NPHP4: variants seen among roughly 807,000 people sequenced by gnomAD.
NPHP4 encodes the protein nephrocystin-4.
A neutral mutation model predicts 155.8 loss-of-function variants in NPHP4; 151 were observed. The observed-to-expected ratio is 0.97, with a 90% CI of 0.85 to 1.11. The LOEUF is 1.11. Among genes scored for constraint, NPHP4 ranks in the 50% least tolerant of loss-of-function variants. The pLI, the probability that NPHP4 is intolerant of heterozygous loss-of-function variation, is 0.00. For synonymous variants in NPHP4, 845 were observed against 816.8 expected, an observed-to-expected ratio of 1.03 and a Z score of -0.59; for missense variants, 1,956 against 1,925.7, an observed-to-expected ratio of 1.02 and a Z score of -0.29.
chr1:5,864,132 G>A (rs555338354), intron 28 of NPHP4, 99 bp from the exon 29 acceptor site: 76 of 1,371,200 alleles, frequency 5.5e-5, no homozygotes, highest in East Asian at 3.9e-4. Flanking sequence ...CACCGTGCAC[G>A]GGGACCCCCA....
At chr1:5,938,799 C>CAG (rs1358096147) in intron 9 of NPHP4, among the ~76,000 whole-genome samples, 9 of 152,174 alleles carry the variant, frequency 5.9e-5, no homozygotes, top group Non-Finnish European at 1.3e-4. Context: ...TATTTCTAAA[C>CAG]AGAACATCAG....
chr1:5,991,751 C>G (rs1557906168), intron 1 of NPHP4, among the ~76,000 whole-genome samples: 1 of 151,522 alleles, frequency 6.6e-6, no homozygotes, highest in East Asian at 1.9e-4. Context: ...GGGGAACTGA[C>G]AGCCGGAGCC....
At chr1:5,938,472 C>T (rs190656081) in intron 9 of NPHP4, among the ~76,000 whole-genome samples, 3 of 152,182 alleles carry the variant, frequency 2.0e-5, no homozygotes, top group Non-Finnish European at 4.4e-5. Flanking sequence ...CTACTCAGTC[C>T]TCAAATCGGA....
chr1:5,884,244 G>A (rs1360959229), intron 18 of NPHP4, among the ~76,000 whole-genome samples: 1 of 152,120 alleles, frequency 6.6e-6, no homozygotes, highest in Non-Finnish European at 1.5e-5. Context: ...CCCTGCAGCT[G>A]GACCAAAGCC....
At position 5,888,499 on chromosome 1, in the gene NPHP4, G is replaced by A. The variant is rs552783883; in HGVS notation, c.2305-1033C>T. 94 of 1,275,232 alleles carry A rather than the reference G, an allele frequency of 7.4e-5. No homozygotes were observed. The African/African-American group carries it at 9.6e-4, about 13-fold the overall frequency. 79.0% of individuals were successfully genotyped at this position (1,275,232 alleles called of 1,614,324 possible). A position where few individuals can be genotyped will look rare whatever the true frequency, so the allele number is the denominator to read the frequency against. On this transcript the variant is annotated intron_variant, in intron 17 of 29. Transcript: ENST00000378156. Reference sequence around the variant, plus strand: ...GTGGGTCTGGGGGCTTCCGGTCGCCGCAGACCCTGGTCGCTTTGCCACACT... The same window carrying A: ...GTGGGTCTGGGGGCTTCCGGTCGCCACAGACCCTGGTCGCTTTGCCACACT...
At chr1:5,978,039 C>T (rs1316657450) in intron 3 of NPHP4, among the ~76,000 whole-genome samples, 1 of 151,238 alleles carries the variant, frequency 6.6e-6, no homozygotes, top group Non-Finnish European at 1.5e-5. Flanking sequence ...ACCCTTCAAC[C>T]AGAGCAGAGC....
At chr1:5,986,350 A>G in intron 1 of NPHP4, 23 bp from the exon 2 acceptor site, 2 of 1,592,392 alleles carry the variant, frequency 1.3e-6, no homozygotes, top group Non-Finnish European at 8.6e-7. Context: ...TATTCAAATA[A>G]AGAGAAGAGC....
Position 5,955,653 on chromosome 1 carries a change from A to C in NPHP4, c.674-2817T>G, listed in dbSNP as rs77396676. ...GAATAAGCCAAGCACAGAAAGACAA[A>C]TACCACATGATCTTACTCATATGTG... On this transcript the variant is annotated intron_variant, in intron 6 of 29. Transcript: ENST00000378156. Among the ~76,000 whole-genome samples the C allele has an allele frequency of 3.7e-3, 559 of 152,382 alleles. 1 individual carries two copies. Among genetic ancestry groups the C allele is most frequent in the Non-Finnish European group, 6.0e-3 (409 of 68,034 alleles).
Position 5,936,200 on chromosome 1 carries a change from A to G in NPHP4, c.1120-2871T>C, listed in dbSNP as rs141463465. 9.5e-3 allele frequency among the ~76,000 whole-genome samples: 1,450 copies of G among 152,324 alleles called. 26 individuals are homozygous for G. The highest frequency in any genetic ancestry group is 0.032 in the African/African-American group (1,339 of 41,574). On this transcript the variant is annotated intron_variant, in intron 9 of 29. Coordinates refer to ENST00000378156, the MANE Select transcript of NPHP4 (RefSeq NM_015102.5). The stretch of plus-strand genomic sequence containing the variant: ...ATTTTTCCTCACTTTTCTGTTTAAC[A>G]GCTTTAATAACAACAACAAAAAATC...
At chr1:5,879,264 T>TG (rs1642959350) in intron 19 of NPHP4, 1 of 282,196 alleles carries the variant, frequency 3.5e-6, no homozygotes, top group African/African-American at 2.2e-5. Flanking sequence ...CTGCAACCTC[T>TG]GGGGAAAATG....
intron 3 of NPHP4, among the ~76,000 whole-genome samples, chr1:5,974,083 G>A (rs1222597778): frequency 1.3e-5 from 2 of 152,248 alleles, no homozygotes; most frequent in African/African-American, 2.4e-5. Context: ...GGAGTTTCAC[G>A]TGGGTTATGC....
At chr1:5,945,728 G>A (rs748087538) in intron 9 of NPHP4, among the ~76,000 whole-genome samples, 45 of 152,134 alleles carry the variant, frequency 3.0e-4, no homozygotes, top group Non-Finnish European at 5.6e-4. Flanking sequence ...CTTGTCAACC[G>A]TTTTTTGGTT....
intron 16 of NPHP4, among the ~76,000 whole-genome samples, chr1:5,895,121 G>C (rs1160707896): frequency 3.4e-5 from 5 of 148,940 alleles, no homozygotes; most frequent in African/African-American, 1.2e-4. Context: ...TCATAGGTGG[G>C]AACTGAACAA....
chr1:5,907,134 T>G lies in NPHP4; in HGVS notation c.1592A>C (p.Gln531Pro). 1 of 1,557,098 alleles carries G rather than the reference T, an allele frequency of 6.4e-7. No individual in the cohort carries two copies. Among genetic ancestry groups the G allele is most frequent in the Non-Finnish European group, 8.7e-7 (1 of 1,147,950 alleles). The change falls in exon 13 of 30, where the codon CAG becomes CCG. Residue 531 changes from glutamine to proline, a missense_variant. Gln to Pro is a moderately conservative substitution (Grantham distance 76). Transcript: ENST00000378156. ...RPTSQLPHGSQASPAQAQEFP... is the reference protein window; with the variant it reads ...RPTSQLPHGSPASPAQAQEFP... ...ACTTACTGCCTGGGCCGGGGAGGCC[T>G]GAGAGCCATGGGGTAGCTGTGAAGT...
intron 10 of NPHP4, among the ~76,000 whole-genome samples, chr1:5,931,525 GGA>G (rs1349107920): frequency 2.0e-5 from 3 of 151,892 alleles, no homozygotes; most frequent in African/African-American, 7.3e-5. Context: ...CCTAAGGTCA[GGA>G]GTTCAAGACC....
At chr1:5,896,051 A>G (rs191129890) in intron 16 of NPHP4, among the ~76,000 whole-genome samples, 39 of 152,364 alleles carry the variant, frequency 2.6e-4, no homozygotes, top group Middle Eastern at 3.4e-3. Flanking sequence ...TGTATTTGGT[A>G]TGTTACCACT....
At chr1:5,864,148 A>G (rs950641437) in intron 28 of NPHP4, 115 bp from the exon 29 acceptor site, 2 of 1,274,448 alleles carry the variant, frequency 1.6e-6, no homozygotes, top group Non-Finnish European at 2.2e-6. Context: ...CCCCACAGAG[A>G]TAAGACAGAC....
chr1:5,963,886 C>A (rs894668093), intron 5 of NPHP4, among the ~76,000 whole-genome samples: 5 of 152,128 alleles, frequency 3.3e-5, no homozygotes, highest in Non-Finnish European at 7.4e-5. Flanking sequence ...CAGGGTTTCA[C>A]CATGTTGACC....
chr1:5,977,142 G>A (rs1461996850), intron 3 of NPHP4, among the ~76,000 whole-genome samples: 1 of 152,124 alleles, frequency 6.6e-6, no homozygotes, highest in Non-Finnish European at 1.5e-5. Flanking sequence ...CTCGAGTTCA[G>A]CTGTGAAGCA....
Sources: allele counts gnomAD v4.1 joint callset (sites outside exome capture counted in the v4.1 genomes callset), GRCh38; gene constraint gnomAD v4.1.1; transcripts MANE v1.5; gene names NCBI Gene and HGNC (gene_info 2026-07-23, HGNC 2026-07-21).